Variants in NALF1 observed in about 807,000 individuals in gnomAD.
NALF1 encodes the protein NALCN channel auxiliary factor 1.
A neutral mutation model predicts 48.4 loss-of-function variants in NALF1; 3 were observed. The observed-to-expected ratio is 0.06, with a 90% confidence interval of 0.03 to 0.16. The LOEUF (loss-of-function observed/expected upper bound fraction) is 0.16. Among genes scored for constraint, NALF1 ranks in the 10% least tolerant of loss-of-function variants. The pLI, the probability that NALF1 is intolerant of heterozygous loss-of-function variation, is 1.00. For missense variants in NALF1, 526 were observed against 571.5 expected, an observed-to-expected ratio of 0.92 and a Z score of 0.81; for synonymous variants, 262 against 245.7, an observed-to-expected ratio of 1.07 and a Z score of -0.62.
At chr13:107,393,075 G>A (rs1883653575) in intron 1 of NALF1, among the ~76,000 whole-genome samples, 1 of 152,124 alleles carries the variant, frequency 6.6e-6, no homozygotes, top group Non-Finnish European at 1.5e-5. Flanking sequence ...AAGTCCAGAG[G>A]AGGAAAGGAA....
intron 1 of NALF1, among the ~76,000 whole-genome samples, chr13:107,542,577 A>T (rs1374866367): frequency 1.3e-5 from 2 of 152,280 alleles, no homozygotes; most frequent in East Asian, 1.9e-4. Context: ...TAAAAGAACC[A>T]GACATCAATA....
At chr13:107,495,449 T>C (rs1308322037) in intron 1 of NALF1, among the ~76,000 whole-genome samples, 1 of 152,202 alleles carries the variant, frequency 6.6e-6, no homozygotes, top group African/African-American at 2.4e-5. Context: ...TAGACTCTGC[T>C]AGTTTATCTG....
chr13:107,258,573 A>C (rs78486899), intron 1 of NALF1, among the ~76,000 whole-genome samples: 2,813 of 152,250 alleles, frequency 0.018, 86 homozygotes, highest in African/African-American at 0.064. Context: ...AATACATGAA[A>C]TGTTATGTAT....
At chr13:107,301,685 C>T (rs1881840103) in intron 1 of NALF1, among the ~76,000 whole-genome samples, 1 of 152,122 alleles carries the variant, frequency 6.6e-6, no homozygotes, top group Non-Finnish European at 1.5e-5. Context: ...TATTTTATAA[C>T]TTTTTTTCTA....
At chr13:107,648,554 A>T (rs1348420668) in intron 1 of NALF1, among the ~76,000 whole-genome samples, 1 of 152,144 alleles carries the variant, frequency 6.6e-6, no homozygotes, top group Non-Finnish European at 1.5e-5. Flanking sequence ...CATTGTATAG[A>T]TATACAAAAG....
At chr13:107,185,900 C>A (rs997337915) in intron 2 of NALF1, among the ~76,000 whole-genome samples, 3 of 152,120 alleles carry the variant, frequency 2.0e-5, no homozygotes, top group African/African-American at 7.2e-5. Context: ...TTACAATGTC[C>A]ACTTCTTTCT....
chr13:107,340,433 G>A (rs1209037517), intron 1 of NALF1, among the ~76,000 whole-genome samples: 3 of 115,138 alleles, frequency 2.6e-5, no homozygotes, highest in African/African-American at 1.1e-4. Flanking sequence ...GAGTTACGGC[G>A]CCTGACCTTT....
intron 1 of NALF1, among the ~76,000 whole-genome samples, chr13:107,753,039 T>C (rs1876984114): frequency 6.6e-6 from 1 of 152,178 alleles, no homozygotes; most frequent in African/African-American, 2.4e-5. Flanking sequence ...ATATGCACTG[T>C]GTCTTTGAAA....
At chr13:107,359,138 A>C (rs1883016943) in intron 1 of NALF1, among the ~76,000 whole-genome samples, 1 of 151,864 alleles carries the variant, frequency 6.6e-6, no homozygotes, top group Non-Finnish European at 1.5e-5. Flanking sequence ...TCACTCTTAT[A>C]ATTTATTCTT....
chr13:107,824,847 T>G (rs1443871889), intron 1 of NALF1, among the ~76,000 whole-genome samples: 1 of 152,226 alleles, frequency 6.6e-6, no homozygotes, highest in Non-Finnish European at 1.5e-5. Context: ...AAATCATGTT[T>G]GCTTTGCACC....
intron 2 of NALF1, among the ~76,000 whole-genome samples, chr13:107,199,328 T>C (rs189390340): frequency 1.5e-3 from 228 of 152,284 alleles, no homozygotes; most frequent in Admixed American, 3.4e-3. Context: ...AGATGTCTAG[T>C]CTTCAGAAGG....
intron 1 of NALF1, among the ~76,000 whole-genome samples, chr13:107,295,506 C>T (rs1274808756): frequency 6.6e-6 from 1 of 152,180 alleles, no homozygotes; most frequent in Admixed American, 6.5e-5. Context: ...GGTGCCTCCC[C>T]CTGCTCAGTG....
At chr13:107,614,120 T>C (rs1356148649) in intron 1 of NALF1, among the ~76,000 whole-genome samples, 1 of 152,208 alleles carries the variant, frequency 6.6e-6, no homozygotes, top group African/African-American at 2.4e-5. Flanking sequence ...AGATGTTAGA[T>C]GACTTTGAGT....
chr13:107,559,444 A>G (rs1390363452), intron 1 of NALF1, among the ~76,000 whole-genome samples: 2 of 152,206 alleles, frequency 1.3e-5, no homozygotes, highest in Non-Finnish European at 2.9e-5. Context: ...GAGAAATAAG[A>G]TTAAATCAAG....
chr13:107,552,202 A>G (rs1287804037), intron 1 of NALF1, among the ~76,000 whole-genome samples: 2 of 152,108 alleles, frequency 1.3e-5, no homozygotes, highest in Admixed American at 6.5e-5. Flanking sequence ...CAGAATGTAA[A>G]TTTTTGGAAA....
At chr13:107,500,884 T>C (rs541530292) in intron 1 of NALF1, among the ~76,000 whole-genome samples, 3 of 150,040 alleles carry the variant, frequency 2.0e-5, no homozygotes, top group South Asian at 4.2e-4. Context: ...TTCTCACTCA[T>C]AGGTGGGAAC....
intron 1 of NALF1, among the ~76,000 whole-genome samples, chr13:107,740,962 TA>T (rs76931273): frequency 0.012 from 1,866 of 152,286 alleles, 25 homozygotes; most frequent in African/African-American, 0.038. Flanking sequence ...ATTCAACAGC[TA>T]GGGGGCAGTG....
intron 1 of NALF1, among the ~76,000 whole-genome samples, chr13:107,533,162 C>G (rs1876694273): frequency 6.6e-6 from 1 of 152,016 alleles, no homozygotes; most frequent in Non-Finnish European, 1.5e-5. Flanking sequence ...AGTTTTGCCC[C>G]TTTCTTTTTT....
chr13:107,340,148 C>A (rs1882640427), intron 1 of NALF1, among the ~76,000 whole-genome samples: 1 of 149,802 alleles, frequency 6.7e-6, no homozygotes, highest in African/African-American at 2.4e-5. Context: ...TGGTTGTATA[C>A]ATTCCTTTAA....
Sources: gnomAD v4.1 joint callset for allele counts (sites outside exome capture counted in the v4.1 genomes callset) on GRCh38, gnomAD v4.1.1 for gene constraint, MANE v1.5 for transcripts, NCBI Gene and HGNC (gene_info 2026-07-23, HGNC 2026-07-21) for gene names.